Variants in AKAP13 observed in about 807,000 individuals in gnomAD.
AKAP13 encodes the protein A-kinase anchor protein 13.
A neutral mutation model predicts 264.5 loss-of-function variants in AKAP13; 80 were observed. The observed-to-expected ratio is 0.30, with a 90% CI of 0.25 to 0.36. AKAP13 has a LOEUF of 0.36. Ranked by LOEUF, AKAP13 falls within the 10% of genes least tolerant of loss-of-function variation. AKAP13 has a pLI of 1.00. For synonymous variants in AKAP13, 1,380 were observed against 1,250.2 expected (o/e 1.10, Z -2.19); for missense variants, 3,712 against 3,435.2 (o/e 1.08, Z -2.01).
chr15:85,415,757 C>G, intron 1 of AKAP13: 1 of 607,140 alleles, frequency 1.6e-6, no homozygotes, highest in Non-Finnish European at 2.9e-6. Flanking sequence ...TATCTTTATC[C>G]CAAACATTTT....
At chr15:85,458,760 A>G (rs544765279) in intron 1 of AKAP13, among the ~76,000 whole-genome samples, 2 of 152,340 alleles carry the variant, frequency 1.3e-5, no homozygotes, top group African/African-American at 2.4e-5. Flanking sequence ...AAAACATTAT[A>G]TACTTTAATA....
intron 13 of AKAP13, among the ~76,000 whole-genome samples, chr15:85,665,925 A>G (rs902516560): frequency 6.6e-6 from 1 of 152,134 alleles, no homozygotes; most frequent in Non-Finnish European, 1.5e-5. Context: ...AATCCAGTCT[A>G]TCATGGACAT....
chr15:85,731,476 T>TA (rs1195146292), intron 30 of AKAP13, among the ~76,000 whole-genome samples: 1 of 152,146 alleles, frequency 6.6e-6, no homozygotes, highest in Non-Finnish European at 1.5e-5. Context: ...CTTTTTGACT[T>TA]AGAGAGTTTC....
chr15:85,410,520 A>ACC (rs1418491311), intron 1 of AKAP13, among the ~76,000 whole-genome samples: 5 of 150,344 alleles, frequency 3.3e-5, no homozygotes, highest in Admixed American at 6.6e-5. Flanking sequence ...CTTGACCTTA[A>ACC]CCCCCCTTTG....
At position 85,449,015 on chromosome 15, in the gene AKAP13, T is replaced by C. The variant is rs142277241; in HGVS notation, c.-11-36695T>C. On this transcript the variant is annotated intron_variant, in intron 1 of 36. Coordinates refer to ENST00000394518, the MANE Select transcript of AKAP13 (RefSeq NM_007200.5). ...GGCAGTATACCCATTTTAATGATAT[T>C]GATTCTTCCTATCCATGAGCATGGA... Among the ~76,000 whole-genome samples the C allele has an allele frequency of 9.0e-3, 1,365 of 152,276 alleles. 10 individuals carry two copies. The highest frequency in any genetic ancestry group is 0.017 in the Admixed American group (253 of 15,298).
At chr15:85,482,126 A>G (rs2075370653) in intron 1 of AKAP13, among the ~76,000 whole-genome samples, 2 of 152,354 alleles carry the variant, frequency 1.3e-5, no homozygotes, top group Middle Eastern at 6.8e-3. Context: ...AATGCATTAT[A>G]TGCAGCGAGG....
chr15:85,721,723 A>T (rs1045364187), intron 23 of AKAP13, among the ~76,000 whole-genome samples: 1 of 152,268 alleles, frequency 6.6e-6, no homozygotes, highest in Non-Finnish European at 1.5e-5. Context: ...CACAGTACAT[A>T]AAGTTTCTTT....
chr15:85,691,595 T>G (rs939761392), intron 16 of AKAP13, among the ~76,000 whole-genome samples: 2 of 152,262 alleles, frequency 1.3e-5, no homozygotes, highest in African/African-American at 4.8e-5. Flanking sequence ...CTGACATTCC[T>G]GCAGTATTCT....
chr15:85,664,059 A>G (rs1163199308), intron 12 of AKAP13, among the ~76,000 whole-genome samples: 1 of 152,234 alleles, frequency 6.6e-6, no homozygotes, highest in Non-Finnish European at 1.5e-5. Context: ...GGGTGAAAGC[A>G]TACCTGTAAA....
intron 25 of AKAP13, 70 bp downstream of exon 25, chr15:85,722,417 G>C (rs569278076): frequency 5.0e-5 from 64 of 1,275,580 alleles, no homozygotes; most frequent in Non-Finnish European, 6.6e-5. Context: ...AGTACTGGAA[G>C]CCCCATGGAA....
At chr15:85,401,269 C>T (rs987467647) in intron 1 of AKAP13, among the ~76,000 whole-genome samples, 1 of 150,588 alleles carries the variant, frequency 6.6e-6, no homozygotes, top group African/African-American at 2.5e-5. Flanking sequence ...GGTCTTGAAA[C>T]CACCCAGTTT....
chr15:85,562,879 T>G (rs950848461), intron 5 of AKAP13, among the ~76,000 whole-genome samples: 6 of 147,824 alleles, frequency 4.1e-5, no homozygotes, highest in South Asian at 4.2e-4. Context: ...TTGTTTTTTT[T>G]TTTTTTGTAT....
chr15:85,452,740 CTA>C (rs1321816054), intron 1 of AKAP13, among the ~76,000 whole-genome samples: 1 of 152,142 alleles, frequency 6.6e-6, no homozygotes, highest in African/African-American at 2.4e-5. Context: ...TGTGGCTCCC[CTA>C]TGTTTCCTCA....
intron 7 of AKAP13, among the ~76,000 whole-genome samples, chr15:85,584,027 C>T (rs538854324): frequency 3.7e-4 from 56 of 152,110 alleles, no homozygotes; most frequent in Admixed American, 7.2e-4. Context: ...TTGGTACTTT[C>T]TTCAGAAAAT....
Position 85,674,130 on chromosome 15 carries a change from C to T in AKAP13, c.5101+4300C>T, listed in dbSNP as rs375793517. 2.2e-4 allele frequency among the ~76,000 whole-genome samples: 34 copies of T among 151,796 alleles called. No individual in the cohort carries two copies. In the East Asian group the frequency reaches 5.1e-3, roughly 23 times the overall value. On this transcript the variant is annotated intron_variant, in intron 14 of 36. Coordinates refer to ENST00000394518, the MANE Select transcript of AKAP13 (RefSeq NM_007200.5). Reference sequence around the variant, plus strand: ...ATAATGTTGAAAGGGGAATTGGACCCGTTAGACGTTTTAACTTCATATGCT... The same window carrying T: ...ATAATGTTGAAAGGGGAATTGGACCTGTTAGACGTTTTAACTTCATATGCT...
intron 5 of AKAP13, among the ~76,000 whole-genome samples, chr15:85,573,781 T>G (rs913811571): frequency 7.9e-5 from 11 of 139,620 alleles, no homozygotes; most frequent in African/African-American, 2.9e-4. Flanking sequence ...CTGATACAAG[T>G]AGAAAAATAG....
chr15:85,633,525 CTTTTTTTTTCTTT>C lies in AKAP13; in HGVS notation c.4162-5839_4162-5827del, dbSNP rs1429343109. Among the ~76,000 whole-genome samples the C allele has an allele frequency of 3.4e-4, 41 of 122,230 alleles. 1 individual carries two copies. The highest frequency in any genetic ancestry group is 5.5e-4 in the Non-Finnish European group (33 of 59,518). 80.2% of individuals were successfully genotyped at this position (122,230 alleles called of 152,430 possible). On this transcript the variant is annotated intron_variant, in intron 8 of 36. Coordinates refer to ENST00000394518, the MANE Select transcript of AKAP13 (RefSeq NM_007200.5). ...AATTAAGAGAAAATTCTCTGAATGA[CTTTTTTTTTCTTT>C]TTTTTTTTTTTTTTTTTTTTTTTGA...
intron 1 of AKAP13, among the ~76,000 whole-genome samples, chr15:85,463,325 C>A (rs184791820): frequency 7.4e-4 from 112 of 152,158 alleles, no homozygotes; most frequent in Non-Finnish European, 1.4e-3. Flanking sequence ...ATGTAGAGAT[C>A]GTTGCCGTTT....
At chr15:85,689,462 A>G (rs28414834) in intron 16 of AKAP13, among the ~76,000 whole-genome samples, 1 of 152,220 alleles carries the variant, frequency 6.6e-6, no homozygotes, top group Non-Finnish European at 1.5e-5. Flanking sequence ...CACCTTTGAT[A>G]GTGTCCTAGT....
Sources: allele counts gnomAD v4.1 joint callset (sites outside exome capture counted in the v4.1 genomes callset), GRCh38; gene constraint gnomAD v4.1.1; transcripts MANE v1.5; gene names NCBI Gene and HGNC (gene_info 2026-07-23, HGNC 2026-07-21).